Variants in EPHA2 observed in about 807,000 individuals in gnomAD.
EPHA2 encodes the protein EPH receptor A2, also known as ephrin type-A receptor 2.
In EPHA2, 54 loss-of-function variants were observed where a neutral mutation model predicts 104.9. That is an observed-to-expected ratio of 0.51 (90% confidence interval 0.41 to 0.65). The LOEUF is 0.65. Ranked by LOEUF, EPHA2 falls within the 30% of genes least tolerant of loss-of-function variation. The probability of loss-of-function intolerance (pLI) is 0.00; values close to 1 mark genes in which losing one functional copy is unlikely to be tolerated. For missense variants in EPHA2, 1,117 were observed against 1,369.5 expected (o/e 0.82, Z 2.91); for synonymous variants, 560 against 559.1 (o/e 1.00, Z -0.02).
rs756119956 is a variant in EPHA2, at chr1:16,132,358, C to A, written c.2115+20G>T. 1.2e-6 allele frequency: 2 copies of A among 1,614,062 alleles called. No homozygotes were observed. The highest frequency in any genetic ancestry group is 1.7e-6 in the Non-Finnish European group (2 of 1,180,028). On this transcript the variant is annotated intron_variant, in intron 12 of 16. Transcript: ENST00000358432. ...GCTCAATGGCCAGGCATCCCCGCCC[C>A]CTACAACCCACATCCTTACCCGAAG...
chr1:16,152,705 G>A (rs751448898), intron 1 of EPHA2, among the ~76,000 whole-genome samples: 57 of 152,338 alleles, frequency 3.7e-4, no homozygotes, highest in Admixed American at 1.3e-3. Context: ...AGGAGGCTGA[G>A]GTCTGTGCCC....
chr1:16,134,587 G>A lies in EPHA2; in HGVS notation c.1583-20C>T. 2 of 1,612,264 alleles carry A rather than the reference G, an allele frequency of 1.2e-6. No homozygotes were observed. The highest frequency in any genetic ancestry group is 1.7e-6 in the Non-Finnish European group (2 of 1,178,928). On this transcript the variant is annotated intron_variant, in intron 7 of 16. Transcript: ENST00000358432. The surrounding 1 kb of genome is among the most constrained non-coding windows in gnomAD (Gnocchi z 4.5). Reference sequence around the variant, plus strand: ...CCGGGGCTGGTGGAAGAAATCAGCTGATGACAAGGGAGTTCCCCCACAAAT... The same window carrying A: ...CCGGGGCTGGTGGAAGAAATCAGCTAATGACAAGGGAGTTCCCCCACAAAT...
chr1:16,147,587 A>G (rs979867793), intron 3 of EPHA2, among the ~76,000 whole-genome samples: 1 of 151,902 alleles, frequency 6.6e-6, no homozygotes, highest in African/African-American at 2.4e-5. Flanking sequence ...CTCAGTATAC[A>G]TTCGTGGGAT....
In EPHA2 at chr1:16,132,398, C is replaced by A; in HGVS notation, c.2095G>T (p.Ala699Ser). Residue 699 changes from alanine (A) to serine (S), a missense_variant, in exon 12 of 17, where the codon GCC becomes TCC. Ala to Ser is a moderately conservative substitution (Grantham distance 99). Around this residue, in one of 3 missense-constraint regions of EPHA2, gnomAD observed 340 missense variants for 480.5 expected, o/e 0.71. Transcript: ENST00000358432. Reference protein sequence around the residue: ...MIITEYMENGALDKFLREKDG... With the variant: ...MIITEYMENGSLDKFLREKDG... ...CTTACCCGAAGGAACTTGTCCAGGG[C>A]CCCATTCTCCATGTACTCAGTGATG... The A allele has an allele frequency of 6.2e-7, 1 of 1,614,108 alleles. No individual in the cohort carries two copies. Among genetic ancestry groups the A allele is most frequent in the Non-Finnish European group, 8.5e-7 (1 of 1,180,020 alleles).
chr1:16,133,613 G>A lies in EPHA2; in HGVS notation c.1739-7C>T, dbSNP rs1379819100. On this transcript the variant is annotated splice_polypyrimidine_tract_variant and splice_region_variant and intron_variant, in intron 9 of 16. Transcript: ENST00000358432. The stretch of plus-strand genomic sequence containing the variant: ...TTCAGGGGCTTCAGTTGTTCTGGAA[G>A]GAGAAGGGGTGGGGTCACAGGCAGC... 16 of 1,613,712 alleles carry A rather than the reference G, an allele frequency of 9.9e-6. No homozygotes were observed. The highest frequency in any genetic ancestry group is 1.6e-4 in the Middle Eastern group (1 of 6,070).
At chr1:16,126,099 G>A (rs1271118406) in intron 16 of EPHA2, among the ~76,000 whole-genome samples, 1 of 152,148 alleles carries the variant, frequency 6.6e-6, no homozygotes, top group African/African-American at 2.4e-5. Context: ...CTCAAAACCA[G>A]CAGCCGAGGG....
rs754156201 is a variant in EPHA2 at position 16,125,165 on chromosome 1, C to CT, written c.*49dup. On this transcript the variant is annotated 3_prime_UTR_variant, in exon 17 of 17. Coordinates refer to ENST00000358432, the MANE Select transcript of EPHA2 (RefSeq NM_004431.5). The surrounding 1 kb of genome is among the most constrained non-coding windows in gnomAD (Gnocchi z 4.9). The stretch of plus-strand genomic sequence containing the variant: ...AGCATGGCACAGCAGGGAGGCCACT[C>CT]TGTTTCTTCAAGTATTCTTGGCCGA... The CT allele has an allele frequency of 3.2e-5, 50 of 1,552,246 alleles. No individual in the cohort carries two copies. The Admixed American group carries it at 4.7e-4, about 14-fold the overall frequency.
chr1:16,143,078 T>C (rs2024856751), intron 3 of EPHA2, among the ~76,000 whole-genome samples: 2 of 134,974 alleles, frequency 1.5e-5, no homozygotes, highest in African/African-American at 2.9e-5. Context: ...GGGGTATGAG[T>C]GGATGGATGG....
chr1:16,130,706 G>A lies in EPHA2; in HGVS notation c.2476-287C>T, dbSNP rs374378428. ...GTGCAGTGGCGCTATCACACCTCAC[G>A]GCAGCCTCAACCTCCTGTGCTCAGG... On this transcript the variant is annotated intron_variant, in intron 14 of 16. Coordinates refer to ENST00000358432, the MANE Select transcript of EPHA2 (RefSeq NM_004431.5). This position sits in a 1 kb window ranked among gnomAD's most constrained non-coding sequence, Gnocchi z 4.5. Among the ~76,000 whole-genome samples, 4 of 151,694 alleles carry A rather than the reference G, an allele frequency of 2.6e-5. No homozygotes were observed. The highest frequency in any genetic ancestry group is 3.9e-4 in the East Asian group (2 of 5,134).
At position 16,134,472 on chromosome 1, in the gene EPHA2, G is replaced by A. The variant is rs775227521; in HGVS notation, c.1678C>T (p.Arg560Cys). The A allele has an allele frequency of 3.7e-6, 6 of 1,614,030 alleles. No homozygotes were observed. The highest frequency in any genetic ancestry group is 2.2e-5 in the South Asian group (2 of 91,076). The change falls in exon 8 of 17, where the codon CGC becomes TGC. Residue 560 changes from arginine to cysteine, a missense_variant. Physicochemically the swap from Arg to Cys is radical, Grantham distance 180 (BLOSUM62 -3). Coordinates refer to ENST00000358432, the MANE Select transcript of EPHA2 (RefSeq NM_004431.5). This position sits in a 1 kb window ranked among gnomAD's most constrained non-coding sequence, Gnocchi z 4.5. ...VLAGVGFFIH[R>C]RRKNQRARQS... Reference sequence around the variant, plus strand: ...AGGGTATGGGCTCTGACGAACCTGCGGTGGATAAAGAAGCCAACTCCTGCC... The same window carrying A: ...AGGGTATGGGCTCTGACGAACCTGCAGTGGATAAAGAAGCCAACTCCTGCC...
In EPHA2 at chr1:16,135,597, C is replaced by T; in HGVS notation, c.1428+58G>A. The T allele has an allele frequency of 2.6e-6, 4 of 1,510,496 alleles. No individual in the cohort carries two copies. The highest frequency in any genetic ancestry group is 3.7e-6 in the Non-Finnish European group (4 of 1,086,180). The allele number at this position is 1,510,496 out of a possible 1,614,324, so 93.6% of individuals were successfully genotyped here. On this transcript the variant is annotated intron_variant, in intron 6 of 16. Coordinates refer to ENST00000358432, the MANE Select transcript of EPHA2 (RefSeq NM_004431.5). This position sits in a 1 kb window ranked among gnomAD's most constrained non-coding sequence, Gnocchi z 4.3. Reference sequence around the variant, plus strand: ...GGTGGTTTGGTGATCATCTATGTGACCAGCCTGTCCCCTGCTGTCGGCCCA... The same window carrying T: ...GGTGGTTTGGTGATCATCTATGTGATCAGCCTGTCCCCTGCTGTCGGCCCA...
Position 16,129,681 on chromosome 1 carries a change from G to C in EPHA2, c.2670-92C>G, listed in dbSNP as rs3768294. On this transcript the variant is annotated intron_variant, in intron 15 of 16. Transcript: ENST00000358432. ...GCTCCCTAACCTGGATGATTGACTC[G>C]GCTGCCCCGTGCCTCCGTCTCCTTA... 2.7e-6 allele frequency: 4 copies of C among 1,472,046 alleles called. No homozygotes were observed. In the East Asian group the frequency reaches 9.9e-5, roughly 37 times the overall value. The allele number at this position is 1,472,046 out of a possible 1,614,324, so 91.2% of individuals were successfully genotyped here. A position where few individuals can be genotyped will look rare whatever the true frequency, so the allele number is the denominator to read the frequency against.
In EPHA2 at chr1:16,148,083, C is replaced by A. The variant is rs1469562728; in HGVS notation, c.823+295G>T. 6.6e-6 allele frequency among the ~76,000 whole-genome samples: 1 copy of A among 151,972 alleles called. No homozygotes were observed. The highest frequency in any genetic ancestry group is 1.5e-5 in the Non-Finnish European group (1 of 67,992). On this transcript the variant is annotated intron_variant, in intron 3 of 16. Transcript: ENST00000358432. The surrounding 1 kb of genome is among the most constrained non-coding windows in gnomAD (Gnocchi z 4.9). ...TAGAGACGGCGTTTCATTATGTTGC[C>A]CAGGCTGGTCTCAAACTCCTGGGCT...
At position 16,149,021 on chromosome 1, in the gene EPHA2, A is replaced by C. The variant is rs2024988828; in HGVS notation, c.180T>G (p.Asn60Lys). 15 of 1,613,696 alleles carry C rather than the reference A, an allele frequency of 9.3e-6. No homozygotes were observed. The highest frequency in any genetic ancestry group is 1.3e-5 in the Non-Finnish European group (15 of 1,180,036). ...CGGAGTACATGTAGATCGGCATGTCATTCATGATGTTCTGCATCAGGTCCC... is the reference window on the plus strand; with the variant it reads ...CGGAGTACATGTAGATCGGCATGTCCTTCATGATGTTCTGCATCAGGTCCC... ...KGWDLMQNIM[N>K]DMPIYMYSVC... is the part of the protein sequence containing the mutation. Residue 60 changes from asparagine to lysine, a missense_variant, in exon 3 of 17, where the codon AAT becomes AAG. This residue lies in a region of EPHA2 where 664 missense variants were observed against 784.8 expected (regional missense o/e 0.85). Coordinates refer to ENST00000358432, the MANE Select transcript of EPHA2 (RefSeq NM_004431.5).
At position 16,135,614 on chromosome 1, in the gene EPHA2, G is replaced by C. The variant is rs902867023; in HGVS notation, c.1428+41C>G. On this transcript the variant is annotated intron_variant, in intron 6 of 16. Coordinates refer to ENST00000358432, the MANE Select transcript of EPHA2 (RefSeq NM_004431.5). This position sits in a 1 kb window ranked among gnomAD's most constrained non-coding sequence, Gnocchi z 4.3. ...CTATGTGACCAGCCTGTCCCCTGCT[G>C]TCGGCCCAGCTAGAGCCAGCCCCGC... The C allele has an allele frequency of 1.3e-6, 2 of 1,576,154 alleles. No individual in the cohort carries two copies. The highest frequency in any genetic ancestry group is 1.1e-5 in the South Asian group (1 of 90,336).
Position 16,131,593 on chromosome 1 carries a change from AT to A in EPHA2, c.2475+127del, listed in dbSNP as rs1038673948. On this transcript the variant is annotated intron_variant, in intron 14 of 16. Coordinates refer to ENST00000358432, the MANE Select transcript of EPHA2 (RefSeq NM_004431.5). This position sits in a 1 kb window ranked among gnomAD's most constrained non-coding sequence, Gnocchi z 5.2. ...AAAACTCCGTCTCCAAAAAAAAAAAATAAACATTTATGGAGCAAGCCTAAGA... is the reference window on the plus strand; with the variant it reads ...AAAACTCCGTCTCCAAAAAAAAAAAAAAACATTTATGGAGCAAGCCTAAGA... 1.0e-4 allele frequency: 140 copies of A among 1,353,750 alleles called. No homozygotes were observed. Among genetic ancestry groups the A allele is most frequent in the African/African-American group, 4.2e-4 (28 of 67,038 alleles). The allele number at this position is 1,353,750 out of a possible 1,614,324, so 83.9% of individuals were successfully genotyped here.
Position 16,131,113 on chromosome 1 carries a change from A to G in EPHA2, c.2475+608T>C, listed in dbSNP as rs955195200. On this transcript the variant is annotated intron_variant, in intron 14 of 16. Coordinates refer to ENST00000358432, the MANE Select transcript of EPHA2 (RefSeq NM_004431.5). The surrounding 1 kb of genome is among the most constrained non-coding windows in gnomAD (Gnocchi z 5.2). ...GGCCACCAGGCTGAGAGAGGCACCA[A>G]GCACACAGACACACACACACATGCA... Among the ~76,000 whole-genome samples, 1 of 151,988 alleles carries G rather than the reference A, an allele frequency of 6.6e-6. No homozygotes were observed. The highest frequency in any genetic ancestry group is 2.4e-5 in the African/African-American group (1 of 41,394).
In EPHA2 at chr1:16,134,129, C is replaced by T. The variant is rs1463320776; in HGVS notation, c.1683-214G>A. 6.6e-6 allele frequency among the ~76,000 whole-genome samples: 1 copy of T among 151,998 alleles called. No individual in the cohort carries two copies. Among genetic ancestry groups the T allele is most frequent in the Non-Finnish European group, 1.5e-5 (1 of 67,982 alleles). ...GGAGGAAGTGAGCGAGCCAGGACTC[C>T]CTCTCCAGGATCTAGGCCCCAGAAT... On this transcript the variant is annotated intron_variant, in intron 8 of 16. Transcript: ENST00000358432. The surrounding 1 kb of genome is among the most constrained non-coding windows in gnomAD (Gnocchi z 4.5).
In EPHA2 at chr1:16,134,336, G is replaced by T; in HGVS notation, c.1682+132C>A. The T allele has an allele frequency of 9.7e-7, 1 of 1,035,694 alleles. No homozygotes were observed. The highest frequency in any genetic ancestry group is 1.5e-6 in the Non-Finnish European group (1 of 677,614). The allele number at this position is 1,035,694 out of a possible 1,614,324, so 64.2% of individuals were successfully genotyped here. On this transcript the variant is annotated intron_variant, in intron 8 of 16. Transcript: ENST00000358432. The surrounding 1 kb of genome is among the most constrained non-coding windows in gnomAD (Gnocchi z 4.5). ...TACACACTCTAACTCGTATATCCTC[G>T]CACCATCCGGAGGCAGGGATTAGAC...
Sources: gnomAD v4.1 joint callset for allele counts (sites outside exome capture counted in the v4.1 genomes callset) on GRCh38, gnomAD v4.1.1 for gene constraint, gnomAD v4.1.1 regional missense constraint, Gnocchi (gnomAD v3.1) non-coding constraint, MANE v1.5 for transcripts, NCBI Gene and HGNC (gene_info 2026-07-23, HGNC 2026-07-21) for gene names.